PRELID2: variants seen among roughly 807,000 people sequenced by gnomAD.
PRELID2 encodes PRELI domain containing 2.
In PRELID2, 25 loss-of-function variants were observed where a neutral mutation model predicts 28.4. The ratio of observed to expected loss-of-function variants is 0.88; its 90% CI spans 0.64 to 1.23. The LOEUF is 1.23. Among genes scored for constraint, PRELID2 ranks in the 50% most tolerant of loss-of-function variants. The pLI is 0.00. For synonymous variants in PRELID2, 76 were observed against 71.6 expected (o/e 1.06, Z -0.31); for missense variants, 201 against 214.4 (o/e 0.94, Z 0.39).
chr5:145,416,749 A>G, the PRELID2 span, among the ~76,000 whole-genome samples: 1 of 152,072 alleles, frequency 6.6e-6, no homozygotes, highest in Non-Finnish European at 1.5e-5. Flanking sequence ...CTAGAAAAGC[A>G]AACAAACCCC....
At chr5:145,680,813 A>C (rs1169028936) in intron 1 of PRELID2, among the ~76,000 whole-genome samples, 1 of 152,104 alleles carries the variant, frequency 6.6e-6, no homozygotes, top group East Asian at 1.9e-4. Context: ...AAGGGAAAAA[A>C]AAAAGCGTAT....
chr5:145,690,650 T>A (rs980211561), intron 1 of PRELID2, among the ~76,000 whole-genome samples: 12 of 152,196 alleles, frequency 7.9e-5, no homozygotes, highest in African/African-American at 2.9e-4. Flanking sequence ...AAACGTACTG[T>A]CAGGCCTTTT....
At chr5:145,738,517 A>C (rs1032121864) in intron 1 of PRELID2, among the ~76,000 whole-genome samples, 1 of 152,200 alleles carries the variant, frequency 6.6e-6, no homozygotes. Flanking sequence ...GGAAAATTAG[A>C]ACTGAAAAAA....
intron 1 of PRELID2, among the ~76,000 whole-genome samples, chr5:145,637,183 T>C (rs1033533362): frequency 6.6e-6 from 1 of 152,138 alleles, no homozygotes; most frequent in Non-Finnish European, 1.5e-5. Context: ...ACTGAAATAG[T>C]GATAATATTA....
chr5:145,616,398 G>A (rs1484279714), intron 1 of PRELID2, among the ~76,000 whole-genome samples: 1 of 152,088 alleles, frequency 6.6e-6, no homozygotes, highest in Non-Finnish European at 1.5e-5. Context: ...TGGTATCAGG[G>A]GAAATTCAGC....
At chr5:145,714,900 C>A (rs906832004) in intron 1 of PRELID2, among the ~76,000 whole-genome samples, 8 of 152,130 alleles carry the variant, frequency 5.3e-5, no homozygotes, top group Admixed American at 4.6e-4. Context: ...TTATTCCTAA[C>A]CACTCAGCAG....
chr5:145,459,391 G>C, the PRELID2 span, among the ~76,000 whole-genome samples: 1 of 151,698 alleles, frequency 6.6e-6, no homozygotes, highest in East Asian at 1.9e-4. Flanking sequence ...ATTTTCAATT[G>C]GTTAGATTTC....
chr5:145,567,346 G>GTTTGTTTTGA, intron 1 of PRELID2, among the ~76,000 whole-genome samples: 1 of 145,446 alleles, frequency 6.9e-6, no homozygotes, highest in Middle Eastern at 3.4e-3. Context: ...AGATCTGATG[G>GTTTGTTTTGA]TTTGGTTTGG....
intron 1 of PRELID2, chr5:145,826,221 GAGTATTTCTGCTATAA>G (rs1453593588): frequency 1.0e-6 from 1 of 965,454 alleles, no homozygotes; most frequent in East Asian, 1.2e-4. Flanking sequence ...TTAATATACA[GAGTATTTCTGCTATAA>G]ATATAATAGT....
chr5:145,270,780 G>A, the PRELID2 span, among the ~76,000 whole-genome samples: 64 of 152,156 alleles, frequency 4.2e-4, no homozygotes, highest in African/African-American at 1.3e-3. Flanking sequence ...ATCCTTACAT[G>A]TCACTACATG....
chr5:145,798,021 T>C (rs566680685), intron 4 of PRELID2, among the ~76,000 whole-genome samples: 2 of 151,396 alleles, frequency 1.3e-5, no homozygotes, highest in East Asian at 3.9e-4. Flanking sequence ...AAAGAAACTA[T>C]GAGAAAAATG....
chr5:145,495,194 T>C (rs955764403), intron 1 of PRELID2, among the ~76,000 whole-genome samples: 1 of 152,160 alleles, frequency 6.6e-6, no homozygotes, highest in Non-Finnish European at 1.5e-5. Flanking sequence ...ACCTGGCCTC[T>C]CTGTACTTAT....
At chr5:145,647,254 C>T (rs188657513) in intron 1 of PRELID2, among the ~76,000 whole-genome samples, 203 of 152,304 alleles carry the variant, frequency 1.3e-3, no homozygotes, top group African/African-American at 4.7e-3. Context: ...CCACAGCAGC[C>T]TTGCTGAGCT....
At chr5:145,554,500 G>A (rs151154314) in intron 1 of PRELID2, among the ~76,000 whole-genome samples, 1 of 152,150 alleles carries the variant, frequency 6.6e-6, no homozygotes, top group Non-Finnish European at 1.5e-5. Flanking sequence ...GTGGCTAATG[G>A]CAAAGAGAAA....
chr5:145,392,730 AAAGGAAGGAAGG>A, the PRELID2 span, among the ~76,000 whole-genome samples: 1 of 151,816 alleles, frequency 6.6e-6, no homozygotes, highest in Non-Finnish European at 1.5e-5. Context: ...AAGAAGGAAG[AAAGGAAGGAAGG>A]AAGGAAGGAG....
At chr5:145,599,605 T>C (rs1419016134) in intron 1 of PRELID2, among the ~76,000 whole-genome samples, 3 of 152,160 alleles carry the variant, frequency 2.0e-5, no homozygotes, top group Non-Finnish European at 4.4e-5. Context: ...ACTTACCATA[T>C]AGATGATAAA....
the PRELID2 span, among the ~76,000 whole-genome samples, chr5:145,446,708 C>G: frequency 6.6e-6 from 1 of 151,872 alleles, no homozygotes; most frequent in Non-Finnish European, 1.5e-5. Flanking sequence ...GAGCTTCCAT[C>G]GATTAAAATG....
intron 4 of PRELID2, among the ~76,000 whole-genome samples, chr5:145,799,028 A>AT (rs1194698813): frequency 6.7e-6 from 1 of 149,408 alleles, no homozygotes; most frequent in Non-Finnish European, 1.5e-5. Flanking sequence ...ATAATAAAAT[A>AT]TATATATATA....
intron 1 of PRELID2, among the ~76,000 whole-genome samples, chr5:145,736,253 AT>A (rs1463501887): frequency 6.6e-6 from 1 of 152,196 alleles, no homozygotes; most frequent in Non-Finnish European, 1.5e-5. Flanking sequence ...AGTGCTAAAA[AT>A]CACAAGCCTT....
Sources: gnomAD v4.1 joint callset for allele counts (sites outside exome capture counted in the v4.1 genomes callset) on GRCh38, gnomAD v4.1.1 for gene constraint, MANE v1.5 for transcripts, NCBI Gene and HGNC (gene_info 2026-07-23, HGNC 2026-07-21) for gene names.